Variants in TBL1XR1 observed in about 807,000 individuals in gnomAD.
TBL1XR1 encodes F-box-like/WD repeat-containing protein TBL1XR1.
In TBL1XR1, 5 loss-of-function variants were observed where a neutral mutation model predicts 66.9. The observed-to-expected ratio is 0.07, with a 90% CI of 0.04 to 0.16. The LOEUF is 0.16. Among genes scored for constraint, TBL1XR1 ranks in the 10% least tolerant of loss-of-function variants. TBL1XR1 has a pLI of 1.00. For synonymous variants in TBL1XR1, 210 were observed against 206.0 expected (o/e 1.02, Z -0.17); for missense variants, 238 against 623.2 (o/e 0.38, Z 6.58).
intron 7 of TBL1XR1, 152 bp from the exon 8 acceptor site, chr3:177,047,701 T>A: frequency 1.3e-6 from 1 of 746,900 alleles, no homozygotes; most frequent in Non-Finnish European, 2.2e-6. Context: ...TGAGTGCCAC[T>A]AAAGGCCTAT....
At chr3:177,081,400 T>G (rs1721371281) in intron 2 of TBL1XR1, among the ~76,000 whole-genome samples, 1 of 152,168 alleles carries the variant, frequency 6.6e-6, no homozygotes, top group Non-Finnish European at 1.5e-5. Context: ...TTTCAGCAAT[T>G]TTATCCATCT....
At chr3:177,130,967 G>A (rs745416003) in intron 1 of TBL1XR1, among the ~76,000 whole-genome samples, 44 of 152,174 alleles carry the variant, frequency 2.9e-4, no homozygotes, top group Admixed American at 1.0e-3. Flanking sequence ...TTAGAGACCA[G>A]TCTGGGCAAC....
chr3:177,088,072 T>G (rs1205875821), intron 2 of TBL1XR1, among the ~76,000 whole-genome samples: 5 of 152,190 alleles, frequency 3.3e-5, no homozygotes, highest in Admixed American at 2.0e-4. Flanking sequence ...ATTTTATTCC[T>G]GAATAGTGCC....
chr3:177,088,889 A>C (rs1453338463), intron 2 of TBL1XR1, among the ~76,000 whole-genome samples: 1 of 152,182 alleles, frequency 6.6e-6, no homozygotes, highest in Non-Finnish European at 1.5e-5. Flanking sequence ...CCAGTTCCTA[A>C]TCATGATGGT....
chr3:177,157,336 G>A (rs1731638353), intron 1 of TBL1XR1, among the ~76,000 whole-genome samples: 1 of 152,204 alleles, frequency 6.6e-6, no homozygotes, highest in African/African-American at 2.4e-5. Context: ...CATCTTCCAA[G>A]CCAAGAAATG....
chr3:177,048,002 T>C (rs1716549112), intron 7 of TBL1XR1: 1 of 158,500 alleles, frequency 6.3e-6, no homozygotes, highest in Non-Finnish European at 1.4e-5. Flanking sequence ...TAAAACGAAG[T>C]GTGTGGGTAT....
intron 3 of TBL1XR1, among the ~76,000 whole-genome samples, chr3:177,054,880 T>C (rs1214768601): frequency 6.6e-6 from 1 of 152,152 alleles, no homozygotes; most frequent in African/African-American, 2.4e-5. Context: ...AAAATCTCTT[T>C]ATGTTGGCCT....
chr3:177,105,008 T>A (rs1276994685), intron 1 of TBL1XR1, among the ~76,000 whole-genome samples: 1 of 152,224 alleles, frequency 6.6e-6, no homozygotes, highest in Non-Finnish European at 1.5e-5. Context: ...ATAAGTCAAG[T>A]GTATTACTTA....
chr3:177,149,012 AG>A (rs56707527), intron 1 of TBL1XR1, among the ~76,000 whole-genome samples: 55,529 of 145,920 alleles, frequency 0.38, 10,735 homozygotes, highest in Middle Eastern at 0.46. Flanking sequence ...TCAAAAAAAA[AG>A]AAAAGAAAAG....
intron 1 of TBL1XR1, among the ~76,000 whole-genome samples, chr3:177,113,493 T>C (rs1725913429): frequency 6.6e-6 from 1 of 152,054 alleles, no homozygotes; most frequent in Non-Finnish European, 1.5e-5. Context: ...CTAAAAGAAC[T>C]TAAGACAACT....
chr3:177,174,057 AT>A (rs1238362714), intron 1 of TBL1XR1, among the ~76,000 whole-genome samples: 1 of 152,130 alleles, frequency 6.6e-6, no homozygotes, highest in African/African-American at 2.4e-5. Flanking sequence ...ACTTATACCA[AT>A]CGATTTTTCA....
At position 177,025,208 on chromosome 3, in the gene TBL1XR1, T is replaced by C. The variant is rs1712939280; in HGVS notation, c.*290A>G. 4 of 375,028 alleles carry C rather than the reference T, an allele frequency of 1.1e-5. No individual in the cohort carries two copies. Among genetic ancestry groups the C allele is most frequent in the African/African-American group, 2.1e-5 (1 of 47,810 alleles). The allele number at this position is 375,028 out of a possible 1,614,324, so 23.2% of individuals were successfully genotyped here. On this transcript the variant is annotated 3_prime_UTR_variant, in exon 16 of 16. Transcript: ENST00000457928. ...ACATGTATGTTCTGCTTTTATAATG[T>C]ATATTTTTCTCTCTTCTGTTTTTCA...
At chr3:177,044,771 T>C (rs995301499) in intron 10 of TBL1XR1, 2 of 152,128 alleles carry the variant, frequency 1.3e-5, no homozygotes, top group African/African-American at 4.8e-5. Context: ...ATGTACCTCA[T>C]CAGGTTGTAG....
intron 10 of TBL1XR1, among the ~76,000 whole-genome samples, chr3:177,045,534 C>T (rs927624194): frequency 3.3e-5 from 5 of 152,102 alleles, no homozygotes; most frequent in African/African-American, 9.7e-5. Context: ...AAAAGTACCA[C>T]ATTGAGTATT....
intron 1 of TBL1XR1, among the ~76,000 whole-genome samples, chr3:177,188,671 TCA>T (rs1430407263): frequency 6.6e-6 from 1 of 152,166 alleles, no homozygotes; most frequent in East Asian, 1.9e-4. Context: ...GTGGCAAACT[TCA>T]CAGTTTAAAT....
intron 1 of TBL1XR1, among the ~76,000 whole-genome samples, chr3:177,147,798 C>T (rs1008191896): frequency 3.9e-5 from 6 of 152,176 alleles, no homozygotes; most frequent in Admixed American, 2.0e-4. Flanking sequence ...TCCACAGGAA[C>T]AAGGAAGTAC....
chr3:177,027,294 C>T (rs1713277592), intron 14 of TBL1XR1: 1 of 152,130 alleles, frequency 6.6e-6, no homozygotes, highest in South Asian at 2.1e-4. Flanking sequence ...CCACAGTGCC[C>T]AGACAGATAT....
intron 2 of TBL1XR1, among the ~76,000 whole-genome samples, chr3:177,069,116 G>A (rs1719543351): frequency 6.6e-6 from 1 of 152,164 alleles, no homozygotes; most frequent in Admixed American, 6.5e-5. Context: ...TCTATAAAAT[G>A]AGAAAATGGA....
At chr3:177,040,998 CAT>C (rs1329229791) in intron 10 of TBL1XR1, 1 of 152,176 alleles carries the variant, frequency 6.6e-6, no homozygotes, top group Non-Finnish European at 1.5e-5. Flanking sequence ...AAATTATTAA[CAT>C]AAATTCACCT....
Sources: gnomAD v4.1 joint callset for allele counts (sites outside exome capture counted in the v4.1 genomes callset) on GRCh38, gnomAD v4.1.1 for gene constraint, MANE v1.5 for transcripts, NCBI Gene and HGNC (gene_info 2026-07-23, HGNC 2026-07-21) for gene names.